PHF8: variants seen among roughly 807,000 people sequenced by gnomAD.
PHF8 encodes histone lysine demethylase PHF8.
PHF8 carries 9 observed loss-of-function variants against 74.4 expected under a neutral mutation model. That is an observed-to-expected ratio of 0.12 (90% CI 0.07 to 0.21). PHF8 has a LOEUF of 0.21. PHF8 is among the 10% of genes least tolerant of loss of function. PHF8 has a pLI of 1.00. For missense variants in PHF8, 478 were observed against 816.6 expected (o/e 0.59, Z 5.05); for synonymous variants, 311 against 316.6 (o/e 0.98, Z 0.19).
upstream of PHF8, among the ~76,000 whole-genome samples, chrX:54,047,743 T>G (rs2066640423): frequency 9.0e-6 from 1 of 111,019 alleles, no homozygotes. Flanking sequence ...GTGAGTGCTA[T>G]CAGGAAAGTA....
At chrX:53,955,865 A>G (rs1240592586) in intron 19 of PHF8, among the ~76,000 whole-genome samples, 1 of 111,649 alleles carries the variant, frequency 9.0e-6, no homozygotes, top group Non-Finnish European at 1.9e-5. Flanking sequence ...TGTGCTCTAC[A>G]GTTTCATCCT....
intron 18 of PHF8, among the ~76,000 whole-genome samples, chrX:53,976,273 C>T (rs1440619672): frequency 9.2e-6 from 1 of 108,969 alleles, no homozygotes; most frequent in Non-Finnish European, 1.9e-5. Flanking sequence ...CCACAGCACT[C>T]CAGCCTGGGT....
At chrX:53,957,334 A>C (rs985025422) in intron 19 of PHF8, among the ~76,000 whole-genome samples, 1 of 109,238 alleles carries the variant, frequency 9.2e-6, no homozygotes. Flanking sequence ...GTCTGGTGAC[A>C]GAACGACTCT....
At chrX:54,042,010 A>AT (rs1180418423) in intron 2 of PHF8, among the ~76,000 whole-genome samples, 1 of 112,296 alleles carries the variant, frequency 8.9e-6, no homozygotes, top group Non-Finnish European at 1.9e-5. Flanking sequence ...TTGTCAGACT[A>AT]TAAAAATGAT....
chrX:53,939,687 T>C (rs1342757784), intron 21 of PHF8, among the ~76,000 whole-genome samples: 1 of 110,965 alleles, frequency 9.0e-6, no homozygotes, highest in Non-Finnish European at 1.9e-5. Flanking sequence ...GCCTTCAACA[T>C]CACACCAACC....
chrX:53,993,193 A>C lies in PHF8; in HGVS notation c.1627-354T>G, dbSNP rs781955673. Among the ~76,000 whole-genome samples the C allele has an allele frequency of 4.5e-5, 5 of 111,376 alleles. No individual in the cohort carries two copies. In the South Asian group the frequency reaches 1.9e-3, roughly 43 times the overall value. ...CAACCTGACACACGCAATGTTTTCA[A>C]ATCTCATTCCCGTCCCAGCATTTCA... is the stretch of plus-strand genomic sequence containing the variant. On this transcript the variant is annotated intron_variant, in intron 13 of 21. Coordinates refer to ENST00000338154, the MANE Select transcript of PHF8 (RefSeq NM_015107.3).
intron 11 of PHF8, among the ~76,000 whole-genome samples, chrX:53,996,142 G>A (rs1264711530): frequency 9.1e-6 from 1 of 109,433 alleles, no homozygotes; most frequent in Admixed American, 9.7e-5. Context: ...TTGAGATGGA[G>A]TTTCACTATT....
At position 53,944,242 on chromosome X, in the gene PHF8, G is replaced by A. The variant is rs1557084459; in HGVS notation, c.2541C>T (p.Ala847=). The change falls in exon 20 of 22, where the codon GCC becomes GCT. Residue 847 remains alanine (A), a splice_region_variant and synonymous_variant. Coordinates refer to ENST00000338154, the MANE Select transcript of PHF8 (RefSeq NM_015107.3). ...GCTTCGGCAGAGTTGGGGTCACGCG[G>A]GCTGCAAGGGAAACAGGATGAGAAG... is the stretch of plus-strand genomic sequence containing the variant. ...NSDDAPWSPK[A]RVTPTLPKQD... 4 of 1,189,129 alleles carry A rather than the reference G, an allele frequency of 3.4e-6. No homozygotes were observed. In the Admixed American group the frequency reaches 8.7e-5, roughly 26 times the overall value.
At chrX:53,943,473 A>G in intron 20 of PHF8, 1 of 1,003,004 alleles carries the variant, frequency 1.0e-6, no homozygotes, top group South Asian at 3.4e-5. Flanking sequence ...CACATTATAT[A>G]TGGAAGCAAC....
chrX:53,963,010 C>G, intron 18 of PHF8, 71 bp from the exon 19 acceptor site: 1 of 627,859 alleles, frequency 1.6e-6, no homozygotes, highest in South Asian at 2.2e-5. Flanking sequence ...GACACCTACT[C>G]CAGCTCCTGC....
intron 2 of PHF8, among the ~76,000 whole-genome samples, chrX:54,037,000 T>TAAAA (rs56902207): frequency 1.3e-4 from 8 of 63,249 alleles, no homozygotes; most frequent in Non-Finnish European, 2.1e-4. Flanking sequence ...TCAGAAAAAA[T>TAAAA]AAAAAAAAAA....
chrX:53,963,021 C>T, intron 18 of PHF8, 82 bp from the exon 19 acceptor site: 2 of 597,609 alleles, frequency 3.3e-6, no homozygotes, highest in Non-Finnish European at 5.9e-6. Flanking sequence ...CAGCTCCTGC[C>T]CTTCCCCTAC....
intron 12 of PHF8, among the ~76,000 whole-genome samples, chrX:53,994,566 G>A (rs1375800188): frequency 8.9e-6 from 1 of 112,760 alleles, no homozygotes; most frequent in Non-Finnish European, 1.9e-5. Context: ...GAAAGCCCAT[G>A]GACCACATAT....
At chrX:53,946,880 T>C (rs1457357751) in intron 19 of PHF8, among the ~76,000 whole-genome samples, 3 of 111,866 alleles carry the variant, frequency 2.7e-5, no homozygotes, top group Non-Finnish European at 5.6e-5. Context: ...AACAGCATAA[T>C]AACTGGGGTT....
chrX:53,966,657 G>A (rs1217722923), intron 18 of PHF8, among the ~76,000 whole-genome samples: 7 of 111,619 alleles, frequency 6.3e-5, no homozygotes, highest in Non-Finnish European at 1.1e-4. Flanking sequence ...CCGCCACTCC[G>A]TCTAGGAAGT....
At chrX:53,943,539 A>T in intron 20 of PHF8, 1 of 542,998 alleles carries the variant, frequency 1.8e-6, no homozygotes, top group Non-Finnish European at 2.7e-6. Flanking sequence ...ATTAGGAGCT[A>T]ACGGGATATT....
chrX:54,001,368 G>A (rs781966206), intron 10 of PHF8, among the ~76,000 whole-genome samples: 3 of 109,288 alleles, frequency 2.7e-5, no homozygotes, highest in African/African-American at 1.0e-4. Flanking sequence ...AACTAGCCGA[G>A]TGTGGTGGCG....
rs142517280 is a variant in PHF8, at chrX:54,027,462, C to G, written c.99-4619G>C. 2.7e-5 allele frequency among the ~76,000 whole-genome samples: 3 copies of G among 111,557 alleles called. No homozygotes were observed. The East Asian group carries it at 8.4e-4, about 31-fold the overall frequency. On this transcript the variant is annotated intron_variant, in intron 2 of 21. Transcript: ENST00000338154. The stretch of plus-strand genomic sequence containing the variant: ...CTGCCTAGTAGTATCCAGAGGTGTT[C>G]TATCAGAGCCAAATCGATACTTTTT...
chrX:54,018,579 T>C (rs1056927056), intron 4 of PHF8, among the ~76,000 whole-genome samples: 3 of 110,125 alleles, frequency 2.7e-5, no homozygotes, highest in Non-Finnish European at 5.7e-5. Flanking sequence ...TGACAACTTG[T>C]GTTGGGACAA....
Sources: allele counts gnomAD v4.1 joint callset (sites outside exome capture counted in the v4.1 genomes callset), GRCh38; gene constraint gnomAD v4.1.1; transcripts MANE v1.5; gene names NCBI Gene and HGNC (gene_info 2026-07-23, HGNC 2026-07-21).